The following SLC25A31 variants were observed in gnomAD, a reference collection of about 807,000 sequenced individuals.
SLC25A31 encodes solute carrier family 25 member 31, also known as ADP/ATP translocase 4.
Under a neutral mutation model 36.2 loss-of-function variants are expected in SLC25A31, and 40 were observed. The ratio of observed to expected loss-of-function variants is 1.10; its 90% CI spans 0.86 to 1.44. The LOEUF is 1.44. SLC25A31 is among the 40% of genes most tolerant of loss of function. The probability of loss-of-function intolerance (pLI) is 0.00; values close to 1 mark genes in which losing one functional copy is unlikely to be tolerated. For synonymous variants in SLC25A31, 143 were observed against 149.7 expected (o/e 0.96, Z 0.32); for missense variants, 350 against 397.1 (o/e 0.88, Z 1.01).
At chr4:127,751,211 G>T (rs1170118678) in intron 2 of SLC25A31, among the ~76,000 whole-genome samples, 1 of 152,142 alleles carries the variant, frequency 6.6e-6, no homozygotes, top group Non-Finnish European at 1.5e-5. Flanking sequence ...CATGGTACTG[G>T]TATCAAAACA....
At chr4:127,762,790 G>C (rs965748320) in intron 2 of SLC25A31, among the ~76,000 whole-genome samples, 32 of 152,000 alleles carry the variant, frequency 2.1e-4, no homozygotes, top group African/African-American at 7.5e-4. Flanking sequence ...TGGGCGTGGT[G>C]GCGGGCGCCT....
At chr4:127,755,392 T>G (rs1474957962) in intron 2 of SLC25A31, among the ~76,000 whole-genome samples, 3 of 152,156 alleles carry the variant, frequency 2.0e-5, no homozygotes, top group African/African-American at 4.8e-5. Flanking sequence ...AAAAAAAATC[T>G]GACAAAGGGG....
intron 3 of SLC25A31, 105 bp downstream of exon 3, chr4:127,764,465 C>T (rs1460326111): frequency 1.2e-5 from 11 of 940,508 alleles, no homozygotes; most frequent in Middle Eastern, 2.6e-4. Flanking sequence ...ATAAAGTCTA[C>T]GAACTTTGTT....
At chr4:127,737,555 C>A (rs74645404) in intron 1 of SLC25A31, among the ~76,000 whole-genome samples, 7 of 145,920 alleles carry the variant, frequency 4.8e-5, no homozygotes, top group East Asian at 4.0e-4. Context: ...TTGTACTACT[C>A]TTTTTTTTTT....
chr4:127,761,569 G>A (rs891243523), intron 2 of SLC25A31, among the ~76,000 whole-genome samples: 4 of 152,028 alleles, frequency 2.6e-5, no homozygotes, highest in African/African-American at 9.7e-5. Flanking sequence ...GTGTGTGTTT[G>A]CTCTGTTTTC....
At chr4:127,752,027 T>C (rs1578663128) in intron 2 of SLC25A31, among the ~76,000 whole-genome samples, 1 of 152,224 alleles carries the variant, frequency 6.6e-6, no homozygotes, top group African/African-American at 2.4e-5. Flanking sequence ...CTCAAGGATC[T>C]AGAACTAGAA....
chr4:127,751,358 T>G (rs1731927908), intron 2 of SLC25A31, among the ~76,000 whole-genome samples: 1 of 152,222 alleles, frequency 6.6e-6, no homozygotes, highest in Non-Finnish European at 1.5e-5. Context: ...GCTGGGCAAC[T>G]GGCTAGCCAT....
At chr4:127,754,823 C>T (rs1306331633) in intron 2 of SLC25A31, among the ~76,000 whole-genome samples, 1 of 152,042 alleles carries the variant, frequency 6.6e-6, no homozygotes, top group Non-Finnish European at 1.5e-5. Context: ...AAAAAGAATC[C>T]TTCAATTTAT....
At chr4:127,744,859 A>G in intron 2 of SLC25A31, 60 bp downstream of exon 2, 1 of 1,238,916 alleles carries the variant, frequency 8.1e-7, no homozygotes, top group African/African-American at 1.5e-5. Flanking sequence ...TCCAATATAA[A>G]TTTCCCATCC....
intron 2 of SLC25A31, among the ~76,000 whole-genome samples, chr4:127,750,892 G>T (rs1419366218): frequency 2.0e-5 from 3 of 152,070 alleles, no homozygotes; most frequent in African/African-American, 4.8e-5. Context: ...GCAATAGTAA[G>T]TCCATATTTA....
intron 5 of SLC25A31, among the ~76,000 whole-genome samples, chr4:127,772,562 G>A (rs950060388): frequency 1.3e-5 from 2 of 151,676 alleles, no homozygotes; most frequent in African/African-American, 4.8e-5. Context: ...TTATTTTCTT[G>A]TTTTTACTTT....
At chr4:127,737,731 T>G (rs1731659363) in intron 1 of SLC25A31, among the ~76,000 whole-genome samples, 1 of 152,066 alleles carries the variant, frequency 6.6e-6, no homozygotes, top group Admixed American at 6.5e-5. Flanking sequence ...TGTTTGGGGT[T>G]TGTTTTTTTT....
At chr4:127,731,741 T>C (rs1221140241) in intron 1 of SLC25A31, among the ~76,000 whole-genome samples, 2 of 151,846 alleles carry the variant, frequency 1.3e-5, no homozygotes, top group Non-Finnish European at 2.9e-5. Context: ...CTCTTTCAAC[T>C]AGAGAGAGAG....
intron 1 of SLC25A31, among the ~76,000 whole-genome samples, chr4:127,731,460 T>C (rs1322377988): frequency 6.6e-6 from 1 of 152,070 alleles, no homozygotes; most frequent in Non-Finnish European, 1.5e-5. Flanking sequence ...CCTAGCACTT[T>C]GGAAGGCCGA....
intron 5 of SLC25A31, among the ~76,000 whole-genome samples, chr4:127,769,163 CTATCTTAACTGAAA>C (rs1732303431): frequency 2.0e-5 from 3 of 152,110 alleles, no homozygotes; most frequent in Admixed American, 1.3e-4. Flanking sequence ...ATGAATATGT[CTATCTTAACTGAAA>C]TATTAGATTA....
intron 2 of SLC25A31, among the ~76,000 whole-genome samples, chr4:127,754,665 T>C (rs895278661): frequency 6.6e-6 from 1 of 151,798 alleles, no homozygotes; most frequent in Non-Finnish European, 1.5e-5. Flanking sequence ...ATAAAACTAG[T>C]AGAGGAACGC....
intron 1 of SLC25A31, among the ~76,000 whole-genome samples, 163 bp downstream of exon 1, chr4:127,730,940 T>C (rs1367142160): frequency 2.0e-5 from 3 of 152,216 alleles, no homozygotes; most frequent in Non-Finnish European, 2.9e-5. Context: ...TTTCTGAACC[T>C]AACAGGCTCT....
intron 2 of SLC25A31, among the ~76,000 whole-genome samples, chr4:127,745,864 C>T (rs912979241): frequency 6.6e-5 from 10 of 152,020 alleles, no homozygotes; most frequent in African/African-American, 1.9e-4. Context: ...TAGGTAATCT[C>T]GTGTCACAGG....
intron 2 of SLC25A31, among the ~76,000 whole-genome samples, chr4:127,763,698 C>T (rs907542997): frequency 5.9e-5 from 9 of 152,090 alleles, no homozygotes; most frequent in African/African-American, 1.9e-4. Flanking sequence ...TAATTAAATA[C>T]GTATTTTTGA....
Sources: allele counts gnomAD v4.1 joint callset (sites outside exome capture counted in the v4.1 genomes callset), GRCh38; gene constraint gnomAD v4.1.1; transcripts MANE v1.5; gene names NCBI Gene and HGNC (gene_info 2026-07-23, HGNC 2026-07-21).